IQSEC1: variants seen among roughly 807,000 people sequenced by gnomAD.
IQSEC1 encodes the protein IQ motif and Sec7 domain ArfGEF 1.
IQSEC1 carries 31 observed loss-of-function variants against 91.0 expected under a neutral mutation model. That is an observed-to-expected ratio of 0.34 (90% confidence interval 0.26 to 0.46). IQSEC1 has a LOEUF of 0.46. Among genes scored for constraint, IQSEC1 ranks in the 20% least tolerant of loss-of-function variants. The pLI is 1.00. For missense variants in IQSEC1, 1,388 were observed against 1,575.6 expected, an observed-to-expected ratio of 0.88 and a Z score of 2.02; for synonymous variants, 699 against 662.6, an observed-to-expected ratio of 1.05 and a Z score of -0.84.
At chr3:13,208,040 A>G (rs1424518456) in intron 1 of IQSEC1, among the ~76,000 whole-genome samples, 2 of 152,100 alleles carry the variant, frequency 1.3e-5, no homozygotes, top group Non-Finnish European at 2.9e-5. Flanking sequence ...GATTCATTAA[A>G]CAATGAGTTT....
chr3:13,267,014 T>G (rs910259010), intron 1 of IQSEC1, among the ~76,000 whole-genome samples: 1 of 151,826 alleles, frequency 6.6e-6, no homozygotes, highest in Admixed American at 6.6e-5. Context: ...TGCTGTGGTC[T>G]GAATGTCTGT....
At chr3:12,968,080 C>T (rs1700724109) in intron 1 of IQSEC1, among the ~76,000 whole-genome samples, 1 of 152,224 alleles carries the variant, frequency 6.6e-6, no homozygotes, top group African/African-American at 2.4e-5. Context: ...GGAGCCATGT[C>T]TTCCTCTCCA....
intron 1 of IQSEC1, among the ~76,000 whole-genome samples, chr3:12,962,246 G>A (rs2125489786): frequency 6.6e-6 from 1 of 152,292 alleles, no homozygotes; most frequent in Middle Eastern, 3.4e-3. Flanking sequence ...ACATCTACCG[G>A]GCCCTTGCTA....
intron 5 of IQSEC1, 28 bp from the exon 6 acceptor site, chr3:12,920,624 G>A (rs1696540904): frequency 4.3e-6 from 7 of 1,611,334 alleles, no homozygotes; most frequent in African/African-American, 1.3e-5. Context: ...GGGGGTCAGG[G>A]CCATGGCGCA....
chr3:13,066,613 T>TGGGAGGCCA (rs1339457505), intron 1 of IQSEC1, among the ~76,000 whole-genome samples: 1 of 152,124 alleles, frequency 6.6e-6, no homozygotes, highest in African/African-American at 2.4e-5. Flanking sequence ...TGTGGGATCG[T>TGGGAGGCCA]GGGAGGCCAG....
chr3:13,029,043 G>A (rs1703739691), intron 1 of IQSEC1, among the ~76,000 whole-genome samples: 2 of 152,350 alleles, frequency 1.3e-5, no homozygotes, highest in Middle Eastern at 3.4e-3. Context: ...TGAAACAAAT[G>A]GAAGGAGCTA....
At chr3:12,934,072 G>A (rs1437447474) in intron 3 of IQSEC1, among the ~76,000 whole-genome samples, 1 of 152,170 alleles carries the variant, frequency 6.6e-6, no homozygotes, top group Non-Finnish European at 1.5e-5. Context: ...AGGAGCAGTG[G>A]GGACAGACTT....
chr3:12,938,854 G>C (rs928906805), intron 2 of IQSEC1, among the ~76,000 whole-genome samples: 1 of 152,182 alleles, frequency 6.6e-6, no homozygotes, highest in African/African-American at 2.4e-5. Context: ...GGGACTTCAG[G>C]AAGGCAGCAA....
At chr3:12,957,666 A>C (rs1034495837) in intron 1 of IQSEC1, among the ~76,000 whole-genome samples, 1 of 152,230 alleles carries the variant, frequency 6.6e-6, no homozygotes, top group African/African-American at 2.4e-5. Flanking sequence ...ATCGCGCAGA[A>C]GGCCTTCCTC....
At chr3:13,017,162 C>T (rs990055719) in intron 1 of IQSEC1, among the ~76,000 whole-genome samples, 3 of 144,244 alleles carry the variant, frequency 2.1e-5, no homozygotes, top group Non-Finnish European at 4.6e-5. Context: ...CTTGACCTCC[C>T]CAGGCCATGT....
intron 1 of IQSEC1, among the ~76,000 whole-genome samples, chr3:13,248,660 G>T (rs1695145276): frequency 1.3e-5 from 2 of 152,220 alleles, no homozygotes; most frequent in Non-Finnish European, 2.9e-5. Context: ...GTCATGTGAA[G>T]GTTAAATAAA....
chr3:13,035,210 A>G (rs922560062), intron 1 of IQSEC1, among the ~76,000 whole-genome samples: 2 of 152,320 alleles, frequency 1.3e-5, no homozygotes, highest in East Asian at 3.9e-4. Context: ...ATCCACATCC[A>G]GCTTCCTGCT....
chr3:13,197,631 C>T lies in IQSEC1; in HGVS notation c.273-33498G>A, dbSNP rs560220927. On this transcript the variant is annotated intron_variant, in intron 1 of 15. Coordinates refer to the IQSEC1 transcript ENST00000648114. Reference sequence around the variant, plus strand: ...CCAGACCCAGGCCCTGATAACTTCACGGCCGCATGCAGTAGTCGCTAGTCA... The same window carrying T: ...CCAGACCCAGGCCCTGATAACTTCATGGCCGCATGCAGTAGTCGCTAGTCA... 1.6e-4 allele frequency among the ~76,000 whole-genome samples: 25 copies of T among 152,350 alleles called. No homozygotes were observed. In the South Asian group the frequency reaches 4.1e-3, roughly 25 times the overall value.
intron 1 of IQSEC1, among the ~76,000 whole-genome samples, chr3:12,965,013 T>C (rs1329544494): frequency 6.6e-6 from 1 of 152,186 alleles, no homozygotes; most frequent in Non-Finnish European, 1.5e-5. Flanking sequence ...CCGACTTCCT[T>C]GAGTGAAAGC....
chr3:13,155,589 A>C (rs1301662872), intron 2 of IQSEC1, among the ~76,000 whole-genome samples: 2 of 152,184 alleles, frequency 1.3e-5, no homozygotes, highest in Non-Finnish European at 2.9e-5. Context: ...CTCTTCCAAA[A>C]ACTTCAAGTA....
chr3:13,068,493 A>G (rs1187559545), intron 1 of IQSEC1, among the ~76,000 whole-genome samples: 2 of 151,884 alleles, frequency 1.3e-5, no homozygotes, highest in East Asian at 1.9e-4. Context: ...GGCTCATGAC[A>G]CCCCCTCATG....
intron 2 of IQSEC1, among the ~76,000 whole-genome samples, chr3:13,097,539 G>A (rs529279189): frequency 0.012 from 1,884 of 152,276 alleles, 20 homozygotes; most frequent in Non-Finnish European, 0.019. Context: ...CTTTCCATCT[G>A]TGAACCGGGG....
intron 1 of IQSEC1, among the ~76,000 whole-genome samples, chr3:13,221,639 G>A (rs750919468): frequency 1.3e-5 from 2 of 151,864 alleles, no homozygotes; most frequent in South Asian, 4.2e-4. Flanking sequence ...AGGAACAGAC[G>A]CCTGGAGCCC....
chr3:13,107,788 G>C (rs1392468998), intron 2 of IQSEC1, among the ~76,000 whole-genome samples: 4 of 152,202 alleles, frequency 2.6e-5, no homozygotes. Context: ...AGCCCCAGTG[G>C]GCACAGACAC....
Sources: allele counts gnomAD v4.1 joint callset (sites outside exome capture counted in the v4.1 genomes callset), GRCh38; gene constraint gnomAD v4.1.1; transcripts MANE v1.5; gene names NCBI Gene and HGNC (gene_info 2026-07-23, HGNC 2026-07-21).